ESCO1: variants seen among roughly 807,000 people sequenced by gnomAD.
ESCO1 encodes N-acetyltransferase ESCO1.
A neutral mutation model predicts 83.5 loss-of-function variants in ESCO1; 33 were observed. The observed-to-expected ratio is 0.40, with a 90% CI of 0.30 to 0.53. ESCO1 has a LOEUF of 0.53. ESCO1 is among the 20% of genes least tolerant of loss of function. The pLI, the probability that ESCO1 is intolerant of heterozygous loss-of-function variation, is 0.63. For missense variants in ESCO1, 855 were observed against 968.0 expected (o/e 0.88, Z 1.55); for synonymous variants, 332 against 324.3 (o/e 1.02, Z -0.25).
At chr18:21,581,234 T>C (rs2038498101) in intron 2 of ESCO1, among the ~76,000 whole-genome samples, 1 of 150,944 alleles carries the variant, frequency 6.6e-6, no homozygotes, top group Admixed American at 6.7e-5. Flanking sequence ...GGCAGGAGAA[T>C]GGCGTGAACT....
At chr18:21,553,044 C>A (rs1439422990) in intron 8 of ESCO1, among the ~76,000 whole-genome samples, 3 of 152,134 alleles carry the variant, frequency 2.0e-5, no homozygotes, top group Non-Finnish European at 4.4e-5. Flanking sequence ...AATCCCAACA[C>A]ATTGGGAGGC....
intron 1 of ESCO1, among the ~76,000 whole-genome samples, chr18:21,600,165 C>G (rs926489109): frequency 6.6e-6 from 1 of 152,250 alleles, no homozygotes; most frequent in Non-Finnish European, 1.5e-5. Flanking sequence ...GAGGGACTGG[C>G]TCCGGTGAAG....
chr18:21,543,869 T>A (rs538036569), intron 8 of ESCO1, among the ~76,000 whole-genome samples: 5 of 152,142 alleles, frequency 3.3e-5, no homozygotes, highest in Non-Finnish European at 1.5e-5. Context: ...ACATAGGAAA[T>A]CATGAGCTAT....
chr18:21,540,535 C>A, intron 8 of ESCO1: 1 of 1,278,790 alleles, frequency 7.8e-7, no homozygotes, highest in Middle Eastern at 3.5e-4. Flanking sequence ...TTGATCACAA[C>A]TACCAAAGCC....
intron 1 of ESCO1, among the ~76,000 whole-genome samples, chr18:21,584,690 C>T (rs995552259): frequency 6.6e-6 from 1 of 151,904 alleles, no homozygotes; most frequent in African/African-American, 2.4e-5. Context: ...GGTGCTGGCA[C>T]GTCTGTAAGT....
chr18:21,537,998 A>C (rs2037857803), intron 9 of ESCO1, among the ~76,000 whole-genome samples: 1 of 152,096 alleles, frequency 6.6e-6, no homozygotes, highest in Non-Finnish European at 1.5e-5. Flanking sequence ...GTAGCCTAGA[A>C]ACATAAAAAA....
intron 4 of ESCO1, among the ~76,000 whole-genome samples, chr18:21,570,448 C>T (rs551892673): frequency 6.6e-6 from 1 of 152,108 alleles, no homozygotes; most frequent in African/African-American, 2.4e-5. Flanking sequence ...TTGTATATTC[C>T]CATAGTTTTA....
Position 21,584,403 on chromosome 18 carries a change from T to A in ESCO1, c.-787A>T, listed in dbSNP as rs2038544811. ...TTCTTATCACTTCCTGTATGTTTAG[T>A]AATCTTTAAAAAAAAAAACTCTATA... On this transcript the variant is annotated 5_prime_UTR_variant, in exon 2 of 12. Coordinates refer to ENST00000269214, the MANE Select transcript of ESCO1 (RefSeq NM_052911.3). The A allele has an allele frequency of 6.7e-6, 1 of 149,436 alleles. No homozygotes were observed. The highest frequency in any genetic ancestry group is 1.5e-5 in the Non-Finnish European group (1 of 67,526). The allele number at this position is 149,436 out of a possible 1,614,324, so 9.3% of individuals were successfully genotyped here.
At position 21,574,106 on chromosome 18, in the gene ESCO1, C is replaced by G. The variant is rs2038381707; in HGVS notation, c.738G>C (p.Val246=). The G allele has an allele frequency of 6.2e-7, 1 of 1,613,196 alleles. No individual in the cohort carries two copies. The highest frequency in any genetic ancestry group is 1.3e-5 in the African/African-American group (1 of 74,854). ...CTGAAGTAGCCATTTTTGATCTTTTCACCTCAGAAGTTACAGGCACAGGTT... is the reference window on the plus strand; with the variant it reads ...CTGAAGTAGCCATTTTTGATCTTTTGACCTCAGAAGTTACAGGCACAGGTT... ...ETKPVPVTSE[V]KRSKMATSVV... is the part of the protein sequence containing the mutation. The change falls in exon 4 of 12, where the codon GTG becomes GTC. Residue 246 remains valine, a synonymous_variant. Transcript: ENST00000269214.
intron 10 of ESCO1, among the ~76,000 whole-genome samples, chr18:21,534,124 A>G (rs2037802161): frequency 6.6e-6 from 1 of 152,156 alleles, no homozygotes; most frequent in South Asian, 2.1e-4. Context: ...ACTCCTGCAA[A>G]CTTGCTTTGA....
intron 8 of ESCO1, among the ~76,000 whole-genome samples, chr18:21,545,727 G>A (rs2037965591): frequency 1.3e-5 from 2 of 151,894 alleles, no homozygotes; most frequent in African/African-American, 4.8e-5. Context: ...TCAGGAGTTC[G>A]AGACCAGCCT....
intron 8 of ESCO1, among the ~76,000 whole-genome samples, chr18:21,548,142 G>A (rs1428160371): frequency 6.6e-6 from 1 of 151,760 alleles, no homozygotes; most frequent in East Asian, 1.9e-4. Context: ...CCCTGGGCTT[G>A]AAAGGCACAG....
chr18:21,549,437 C>A (rs542307389), intron 8 of ESCO1, among the ~76,000 whole-genome samples: 2 of 151,654 alleles, frequency 1.3e-5, no homozygotes, highest in Non-Finnish European at 2.9e-5. Context: ...TTTTTGGAGA[C>A]GGAGTCTCGC....
At chr18:21,590,960 A>G (rs2038659118) in intron 1 of ESCO1, among the ~76,000 whole-genome samples, 1 of 98,748 alleles carries the variant, frequency 1.0e-5, no homozygotes, top group Admixed American at 1.5e-4. Context: ...AAAAAAAAAG[A>G]AAAAAATCCA....
intron 1 of ESCO1, among the ~76,000 whole-genome samples, chr18:21,588,003 C>T (rs966985554): frequency 1.3e-5 from 2 of 151,548 alleles, no homozygotes; most frequent in Non-Finnish European, 2.9e-5. Flanking sequence ...GTGAGAGGAT[C>T]ACTTGAGTCC....
At position 21,556,952 on chromosome 18, in the gene ESCO1, G is replaced by A. The variant is rs376364165; in HGVS notation, c.1953+3907C>T. 5.3e-5 allele frequency among the ~76,000 whole-genome samples: 8 copies of A among 152,172 alleles called. No homozygotes were observed. In the South Asian group the frequency reaches 1.0e-3, roughly 20 times the overall value. The stretch of plus-strand genomic sequence containing the variant: ...CTGATCTCAAGTGATCCACCCCCTC[G>A]GCATCCCAAAGTGCTGGGATTACAG... On this transcript the variant is annotated intron_variant, in intron 8 of 11. Coordinates refer to ENST00000269214, the MANE Select transcript of ESCO1 (RefSeq NM_052911.3).
intron 4 of ESCO1, among the ~76,000 whole-genome samples, chr18:21,569,692 C>T (rs890026469): frequency 3.3e-5 from 5 of 152,140 alleles, no homozygotes; most frequent in Non-Finnish European, 5.9e-5. Context: ...TTGCAGTGAT[C>T]GAGATCATGC....
chr18:21,599,985 G>A (rs1421714388), intron 1 of ESCO1, among the ~76,000 whole-genome samples: 2 of 152,178 alleles, frequency 1.3e-5, no homozygotes, highest in African/African-American at 4.8e-5. Flanking sequence ...CTACTCCAGA[G>A]CCGCCCTACC....
intron 1 of ESCO1, among the ~76,000 whole-genome samples, chr18:21,594,804 GAACAA>G (rs2038736765): frequency 6.6e-6 from 1 of 152,032 alleles, no homozygotes; most frequent in African/African-American, 2.4e-5. Flanking sequence ...AACACTAGTT[GAACAA>G]AACACAACAG....
Sources: allele counts gnomAD v4.1 joint callset (sites outside exome capture counted in the v4.1 genomes callset), GRCh38; gene constraint gnomAD v4.1.1; transcripts MANE v1.5; gene names NCBI Gene and HGNC (gene_info 2026-07-23, HGNC 2026-07-21).